Variants in SAMD12 observed in about 807,000 individuals in gnomAD.
The protein encoded by SAMD12 is sterile alpha motif domain-containing protein 12.
SAMD12 carries 9 observed loss-of-function variants against 15.0 expected under a neutral mutation model. That is an observed-to-expected ratio of 0.60 (90% CI 0.36 to 1.05). The LOEUF (loss-of-function observed/expected upper bound fraction) is 1.05, where lower values mean the gene tolerates loss of function less well. Ranked by LOEUF, SAMD12 falls within the 50% of genes least tolerant of loss-of-function variation. The probability of loss-of-function intolerance (pLI) is 0.01; values close to 1 mark genes in which losing one functional copy is unlikely to be tolerated. For synonymous variants in SAMD12, 86 were observed against 90.1 expected, an observed-to-expected ratio of 0.96 and a Z score of 0.25; for missense variants, 230 against 234.2, an observed-to-expected ratio of 0.98 and a Z score of 0.12.
intron 4 of SAMD12, among the ~76,000 whole-genome samples, chr8:118,216,851 C>CTGTGTA (rs947314065): frequency 2.6e-5 from 4 of 152,172 alleles, no homozygotes; most frequent in African/African-American, 9.7e-5. Flanking sequence ...AAAATATTAG[C>CTGTGTA]TGCGTATGAA....
At chr8:118,349,952 A>G (rs1008323061) in intron 4 of SAMD12, among the ~76,000 whole-genome samples, 1 of 151,664 alleles carries the variant, frequency 6.6e-6, no homozygotes, top group African/African-American at 2.4e-5. Context: ...ACATAGTGAG[A>G]TCTCATCTCT....
the SAMD12 span, among the ~76,000 whole-genome samples, chr8:118,136,836 C>T: frequency 7.9e-5 from 12 of 152,260 alleles, no homozygotes; most frequent in Non-Finnish European, 1.3e-4. Context: ...GTAATCAATC[C>T]GCAAGGAAGA....
Position 118,341,395 on chromosome 8 carries a change from T to C in SAMD12, c.433+38165A>G, listed in dbSNP as rs553103760. ...ACCTCTCAAGTAAAGAAATGTTAAATAATTTACAAACATCTTTAATATGCC... is the reference window on the plus strand; with the variant it reads ...ACCTCTCAAGTAAAGAAATGTTAAACAATTTACAAACATCTTTAATATGCC... On this transcript the variant is annotated intron_variant, in intron 4 of 4. Transcript: ENST00000409003. 4.5e-4 allele frequency among the ~76,000 whole-genome samples: 68 copies of C among 152,304 alleles called. 1 individual carries two copies. The South Asian group carries it at 8.7e-3, about 20-fold the overall frequency.
rs150282167 is a variant in SAMD12, at chr8:118,545,856, C to T, written c.192+34859G>A. Among the ~76,000 whole-genome samples, 655 of 152,252 alleles carry T rather than the reference C, an allele frequency of 4.3e-3. 5 individuals are homozygous for T. The highest frequency in any genetic ancestry group is 0.015 in the African/African-American group (627 of 41,534). ...TCTTGGTTAATCTGTGGTTACATGC[C>T]TGGCAGGTGGGATGAAATTCCCTGA... On this transcript the variant is annotated intron_variant, in intron 2 of 3. Transcript: ENST00000314727.
At chr8:118,609,811 A>C (rs1828064136) in intron 1 of SAMD12, among the ~76,000 whole-genome samples, 1 of 152,208 alleles carries the variant, frequency 6.6e-6, no homozygotes, top group African/African-American at 2.4e-5. Context: ...CTCTCCAGGG[A>C]AGTCCAGGGC....
chr8:118,272,497 C>T (rs572995301), intron 4 of SAMD12, among the ~76,000 whole-genome samples: 18 of 152,298 alleles, frequency 1.2e-4, no homozygotes, highest in South Asian at 2.1e-4. Context: ...ACATTTGGCG[C>T]CTTGTTAGTT....
intron 2 of SAMD12, among the ~76,000 whole-genome samples, chr8:118,535,655 C>T (rs1825818316): frequency 6.6e-6 from 1 of 152,226 alleles, no homozygotes; most frequent in Admixed American, 6.5e-5. Context: ...TGGCGGGCGC[C>T]CCTCCCCCAG....
intron 3 of SAMD12, among the ~76,000 whole-genome samples, chr8:118,413,741 C>T (rs969234476): frequency 2.6e-4 from 39 of 152,066 alleles, no homozygotes; most frequent in East Asian, 3.9e-4. Context: ...GTTTAAAGCA[C>T]GTAATAGGTG....
intron 4 of SAMD12, among the ~76,000 whole-genome samples, chr8:118,279,277 T>C (rs1273391735): frequency 6.6e-6 from 1 of 152,182 alleles, no homozygotes; most frequent in Non-Finnish European, 1.5e-5. Context: ...TACAATCAGG[T>C]GGTGTTTAGT....
At chr8:118,404,962 T>C (rs1200774219) in intron 3 of SAMD12, among the ~76,000 whole-genome samples, 1 of 152,186 alleles carries the variant, frequency 6.6e-6, no homozygotes, top group Admixed American at 6.5e-5. Flanking sequence ...ATGCCCAGCC[T>C]ACTAATGGTA....
At chr8:118,264,763 T>C (rs998288895) in intron 4 of SAMD12, among the ~76,000 whole-genome samples, 1 of 152,102 alleles carries the variant, frequency 6.6e-6, no homozygotes, top group Admixed American at 6.6e-5. Flanking sequence ...GGAGTGACAA[T>C]GACATTTTGT....
intron 4 of SAMD12, among the ~76,000 whole-genome samples, chr8:118,361,883 C>G (rs7839234): frequency 0.22 from 33,789 of 152,002 alleles, 4,432 homozygotes; most frequent in African/African-American, 0.35. Context: ...GAGCCCAAGT[C>G]CCTACTAGAA....
chr8:118,357,561 C>A (rs1021292079), intron 4 of SAMD12, among the ~76,000 whole-genome samples: 1 of 152,006 alleles, frequency 6.6e-6, no homozygotes, highest in Non-Finnish European at 1.5e-5. Flanking sequence ...GTTCTTATCA[C>A]AAATAAACCA....
the SAMD12 span, among the ~76,000 whole-genome samples, chr8:118,158,779 C>G: frequency 6.6e-6 from 1 of 152,128 alleles, no homozygotes; most frequent in Non-Finnish European, 1.5e-5. Flanking sequence ...CTCAGCCAGA[C>G]TAGGGCAAAT....
chr8:118,282,490 CA>C (rs1309569068), intron 4 of SAMD12, among the ~76,000 whole-genome samples: 1 of 152,206 alleles, frequency 6.6e-6, no homozygotes, highest in African/African-American at 2.4e-5. Context: ...TCTTGCTTTT[CA>C]AACACACAAT....
intron 4 of SAMD12, among the ~76,000 whole-genome samples, chr8:118,366,258 C>G (rs1201607672): frequency 1.3e-5 from 2 of 152,144 alleles, no homozygotes; most frequent in Non-Finnish European, 2.9e-5. Flanking sequence ...TCCTTGTAAC[C>G]TTTTCTGACA....
At chr8:118,351,173 T>C (rs999281976) in intron 4 of SAMD12, among the ~76,000 whole-genome samples, 1 of 152,230 alleles carries the variant, frequency 6.6e-6, no homozygotes, top group Non-Finnish European at 1.5e-5. Context: ...TGTATCTCTG[T>C]AATATACTAA....
the SAMD12 span, among the ~76,000 whole-genome samples, chr8:118,156,517 C>T: frequency 6.6e-6 from 1 of 152,178 alleles, no homozygotes; most frequent in African/African-American, 2.4e-5. Flanking sequence ...TGTGTGTACT[C>T]ATTACTCACC....
chr8:118,619,882 A>G (rs1189143867), intron 1 of SAMD12, among the ~76,000 whole-genome samples: 1 of 152,170 alleles, frequency 6.6e-6, no homozygotes, highest in Non-Finnish European at 1.5e-5. Context: ...GTAACCAGGA[A>G]GGGACTGGTC....
Sources: gnomAD v4.1 joint callset for allele counts (sites outside exome capture counted in the v4.1 genomes callset) on GRCh38, gnomAD v4.1.1 for gene constraint, MANE v1.5 for transcripts, NCBI Gene and HGNC (gene_info 2026-07-23, HGNC 2026-07-21) for gene names.